CCDC85C: variants seen among roughly 807,000 people sequenced by gnomAD.
CCDC85C encodes coiled-coil domain containing 85C, also known as coiled-coil domain-containing protein 85C.
Under a neutral mutation model 38.3 loss-of-function variants are expected in CCDC85C, and 18 were observed. The ratio of observed to expected loss-of-function variants is 0.47; its 90% CI spans 0.33 to 0.70. CCDC85C has a LOEUF of 0.70. CCDC85C is among the 30% of genes least tolerant of loss of function. The pLI, the probability that CCDC85C is intolerant of heterozygous loss-of-function variation, is 0.03. For missense variants in CCDC85C, 566 were observed against 621.2 expected, an observed-to-expected ratio of 0.91 and a Z score of 0.94; for synonymous variants, 264 against 293.8, an observed-to-expected ratio of 0.90 and a Z score of 1.04.
intron 1 of CCDC85C, among the ~76,000 whole-genome samples, chr14:99,539,682 C>T (rs555011356): frequency 9.9e-5 from 15 of 152,172 alleles, no homozygotes; most frequent in African/African-American, 3.6e-4. Flanking sequence ...ACAATGGCTG[C>T]GACGTTTAAA....
At chr14:99,579,524 T>C (rs1169330788) in intron 1 of CCDC85C, among the ~76,000 whole-genome samples, 2 of 152,222 alleles carry the variant, frequency 1.3e-5, no homozygotes, top group Non-Finnish European at 2.9e-5. Flanking sequence ...TCCCAGGGCA[T>C]GTGTTCCCAG....
Position 99,503,620 on chromosome 14 carries a change from C to A in CCDC85C, c.*11626G>T. The A allele has an allele frequency of 6.4e-7, 1 of 1,560,132 alleles. No individual in the cohort carries two copies. Among genetic ancestry groups the A allele is most frequent in the Non-Finnish European group, 8.7e-7 (1 of 1,150,054 alleles). ...TTTTCTTTTGTAACAGGTTGTTTCT[C>A]CCAAAGAAGAGAACAAAGCAGCAGG... On this transcript the variant is annotated 3_prime_UTR_variant, in exon 6 of 6. Transcript: ENST00000380243.
Position 99,516,214 on chromosome 14 carries a change from T to TCTCCTTCTCACTCAGGTCCTC in CCDC85C, c.1123_1143dup (p.Glu375_Glu381dup). 6.4e-7 allele frequency: 1 copy of TCTCCTTCTCACTCAGGTCCTC among 1,551,090 alleles called. No homozygotes were observed. Among genetic ancestry groups the TCTCCTTCTCACTCAGGTCCTC allele is most frequent in the Non-Finnish European group, 8.7e-7 (1 of 1,146,916 alleles). ...TTGCACATCTCGCGAACGATGGCCT[T>TCTCCTTCTCACTCAGGTCCTC]CTCCTTCTCACTCAGGTCCTCCTCA... On this transcript the variant is annotated inframe_insertion, in exon 5 of 6. Coordinates refer to ENST00000380243, the MANE Select transcript of CCDC85C (RefSeq NM_001144995.2). The surrounding 1 kb of genome is among the most constrained non-coding windows in gnomAD (Gnocchi z 5.5).
At position 99,500,280 on chromosome 14, in the gene CCDC85C, A is replaced by C. The variant is rs530573814; in HGVS notation, c.*14966T>G. The C allele has an allele frequency of 6.3e-6, 1 of 157,672 alleles. No homozygotes were observed. Among genetic ancestry groups the C allele is most frequent in the Non-Finnish European group, 1.4e-5 (1 of 71,748 alleles). 9.8% of individuals were successfully genotyped at this position (157,672 alleles called of 1,614,324 possible). A position where few individuals can be genotyped will look rare whatever the true frequency, so the allele number is the denominator to read the frequency against. On this transcript the variant is annotated 3_prime_UTR_variant, in exon 6 of 6. Coordinates refer to ENST00000380243, the MANE Select transcript of CCDC85C (RefSeq NM_001144995.2). ...TGCACGTAATACACTATATGTGTACATGAGTATATATACACACACATACAC... is the reference window on the plus strand; with the variant it reads ...TGCACGTAATACACTATATGTGTACCTGAGTATATATACACACACATACAC...
rs368659157 is a variant in CCDC85C at position 99,549,653 on chromosome 14, A to T, written c.794-13565T>A. Among the ~76,000 whole-genome samples, 13 of 152,368 alleles carry T rather than the reference A, an allele frequency of 8.5e-5. No homozygotes were observed. In the East Asian group the frequency reaches 1.7e-3, roughly 20 times the overall value. On this transcript the variant is annotated intron_variant, in intron 1 of 5. Transcript: ENST00000380243. ...CCTGCGAGACACTGTCCCCGAAATT[A>T]GGCAGAGCGGAGTGGACCTGCCCGG... is the stretch of plus-strand genomic sequence containing the variant.
intron 1 of CCDC85C, among the ~76,000 whole-genome samples, chr14:99,538,631 G>A (rs1036816145): frequency 2.6e-5 from 4 of 152,210 alleles, no homozygotes; most frequent in African/African-American, 9.7e-5. Context: ...TGAGCGAGGA[G>A]CTCCCAGCAC....
chr14:99,603,980 A>G lies in CCDC85C; in HGVS notation c.-21T>C. On this transcript the variant is annotated 5_prime_UTR_variant, in exon 1 of 6. It removes an upstream start codon present in the reference 5' UTR. Transcript: ENST00000380243. The surrounding 1 kb of genome is among the most constrained non-coding windows in gnomAD (Gnocchi z 7.5). ...GCCATGGCGGGGCCGTCACCGCGGC[A>G]TCGCCCTCGCCCTCGCCCGGCCGGC... The G allele has an allele frequency of 1.5e-6, 2 of 1,306,542 alleles. No individual in the cohort carries two copies. The highest frequency in any genetic ancestry group is 8.5e-5 in the Admixed American group (2 of 23,634). 80.9% of individuals were successfully genotyped at this position (1,306,542 alleles called of 1,614,324 possible).
intron 1 of CCDC85C, among the ~76,000 whole-genome samples, chr14:99,594,031 C>CG (rs1179800190): frequency 0.01 from 32 of 3,122 alleles, no homozygotes; most frequent in African/African-American, 0.053. Context: ...GGGGTGGGGG[C>CG]GGGGGGCGGG....
chr14:99,583,872 C>G (rs552273646), intron 1 of CCDC85C, among the ~76,000 whole-genome samples: 1 of 150,684 alleles, frequency 6.6e-6, no homozygotes, highest in Non-Finnish European at 1.5e-5. Flanking sequence ...TCATAAAACA[C>G]TGCACACACA....
At chr14:99,599,983 T>C (rs2055182604) in intron 1 of CCDC85C, among the ~76,000 whole-genome samples, 1 of 152,196 alleles carries the variant, frequency 6.6e-6, no homozygotes, top group African/African-American at 2.4e-5. Flanking sequence ...CTGCCTTGCA[T>C]ACAGATGGGC....
At chr14:99,586,138 C>T (rs187647552) in intron 1 of CCDC85C, among the ~76,000 whole-genome samples, 27 of 152,304 alleles carry the variant, frequency 1.8e-4, no homozygotes, top group African/African-American at 6.0e-4. Context: ...CAGGGCAACA[C>T]GGGGCCAGGG....
In CCDC85C at chr14:99,507,895, A is replaced by G. The variant is rs1390756256; in HGVS notation, c.*7351T>C. On this transcript the variant is annotated 3_prime_UTR_variant, in exon 6 of 6. Coordinates refer to ENST00000380243, the MANE Select transcript of CCDC85C (RefSeq NM_001144995.2). The stretch of plus-strand genomic sequence containing the variant: ...GAAAGCCTCTCTGATACCGCTGGCA[A>G]TAGAGGAGAAAAGCTGTAAAGTAGA... The G allele has an allele frequency of 1.3e-5, 2 of 152,268 alleles. No individual in the cohort carries two copies. Among genetic ancestry groups the G allele is most frequent in the Non-Finnish European group, 2.9e-5 (2 of 68,050 alleles). The allele number at this position is 152,268 out of a possible 1,614,324, so 9.4% of individuals were successfully genotyped here.
intron 1 of CCDC85C, among the ~76,000 whole-genome samples, chr14:99,584,818 C>T (rs1236129477): frequency 1.3e-5 from 2 of 152,286 alleles, no homozygotes; most frequent in East Asian, 1.9e-4. Flanking sequence ...TGGGGCTGGG[C>T]GCAGTGGACG....
rs188560512 is a variant in CCDC85C at position 99,535,304 on chromosome 14, G to C, written c.867+711C>G. ...AGCCAGGGATGCGCACGAGGGCTCG[G>C]AGGCTTGGGGGAGCGAGCGGCTTGA... On this transcript the variant is annotated intron_variant, in intron 2 of 5. Coordinates refer to ENST00000380243, the MANE Select transcript of CCDC85C (RefSeq NM_001144995.2). The surrounding 1 kb of genome is among the most constrained non-coding windows in gnomAD (Gnocchi z 5.5). 1.7e-3 allele frequency among the ~76,000 whole-genome samples: 262 copies of C among 152,308 alleles called. 4 individuals are homozygous for C. Among genetic ancestry groups the C allele is most frequent in the Non-Finnish European group, 1.8e-3 (124 of 68,016 alleles).
Position 99,503,891 on chromosome 14 carries a change from A to G in CCDC85C, c.*11355T>C. 7.7e-6 allele frequency: 4 copies of G among 518,124 alleles called. No homozygotes were observed. Among genetic ancestry groups the G allele is most frequent in the South Asian group, 7.1e-5 (3 of 41,978 alleles). The allele number at this position is 518,124 out of a possible 1,614,324, so 32.1% of individuals were successfully genotyped here. A position where few individuals can be genotyped will look rare whatever the true frequency, so the allele number is the denominator to read the frequency against. Reference sequence around the variant, plus strand: ...AATAAAAATGTACTCAGTAACATATATAAAAGTATAATTATGGCTGTAGGA... The same window carrying G: ...AATAAAAATGTACTCAGTAACATATGTAAAAGTATAATTATGGCTGTAGGA... On this transcript the variant is annotated 3_prime_UTR_variant, in exon 6 of 6. Coordinates refer to ENST00000380243, the MANE Select transcript of CCDC85C (RefSeq NM_001144995.2).
intron 2 of CCDC85C, among the ~76,000 whole-genome samples, chr14:99,530,458 G>A (rs1370793596): frequency 6.6e-6 from 1 of 152,088 alleles, no homozygotes; most frequent in Non-Finnish European, 1.5e-5. Context: ...ATGCCCACGT[G>A]GACCACCGCG....
rs551129261 is a variant in CCDC85C, at chr14:99,512,049, G to T, written c.*3197C>A. ...CACCCAGCCAGGAGGCTCACAAAGA[G>T]GCCTTTATTTATCTAGCTCAAAGTA... is the stretch of plus-strand genomic sequence containing the variant. On this transcript the variant is annotated 3_prime_UTR_variant, in exon 6 of 6. Coordinates refer to ENST00000380243, the MANE Select transcript of CCDC85C (RefSeq NM_001144995.2). The T allele has an allele frequency of 7.2e-5, 11 of 152,332 alleles. No homozygotes were observed. Among genetic ancestry groups the T allele is most frequent in the Non-Finnish European group, 1.5e-5 (1 of 68,042 alleles). 9.4% of individuals were successfully genotyped at this position (152,332 alleles called of 1,614,324 possible).
chr14:99,594,472 C>A (rs1205865281), intron 1 of CCDC85C, among the ~76,000 whole-genome samples: 2 of 152,222 alleles, frequency 1.3e-5, no homozygotes, highest in African/African-American at 4.8e-5. Context: ...CATGTGGTCA[C>A]AGGTAGCCTC....
At chr14:99,562,418 G>A (rs751376789) in intron 1 of CCDC85C, among the ~76,000 whole-genome samples, 49 of 152,176 alleles carry the variant, frequency 3.2e-4, no homozygotes, top group Non-Finnish European at 6.3e-4. Flanking sequence ...GAACAGTAAC[G>A]CGCTGCTGGA....
Sources: gnomAD v4.1 joint callset for allele counts (sites outside exome capture counted in the v4.1 genomes callset) on GRCh38, gnomAD v4.1.1 for gene constraint, Gnocchi (gnomAD v3.1) non-coding constraint, MANE v1.5 for transcripts, NCBI Gene and HGNC (gene_info 2026-07-23, HGNC 2026-07-21) for gene names.